Variants in WDCP observed in about 807,000 individuals in gnomAD.
The protein encoded by WDCP is WD repeat and coiled-coil-containing protein.
WDCP carries 19 observed loss-of-function variants against 41.6 expected under a neutral mutation model. The ratio of observed to expected loss-of-function variants is 0.46; its 90% CI spans 0.32 to 0.67. The LOEUF (loss-of-function observed/expected upper bound fraction) is 0.67. Ranked by LOEUF, WDCP falls within the 30% of genes least tolerant of loss-of-function variation. The pLI is 0.04. For missense variants in WDCP, 802 were observed against 850.7 expected, an observed-to-expected ratio of 0.94 and a Z score of 0.71; for synonymous variants, 302 against 320.8, an observed-to-expected ratio of 0.94 and a Z score of 0.63.
rs762784196 is a variant in WDCP at position 24,031,007 on chromosome 2, T to C, written c.2092A>G (p.Lys698Glu). Residue 698 changes from lysine to glutamate, a missense_variant, in exon 4 of 4, where the codon AAA becomes GAA. Transcript: ENST00000295148. ...GGGGCAGCAAGGCCTGTAAAGACTT[T>C]AAGAGAAGAAACAGCACCTGGACTG... ...SHSPGAVSSL[K>E]VFTGLAAPSL... 14 of 1,614,222 alleles carry C rather than the reference T, an allele frequency of 8.7e-6. 1 individual carries two copies. In the Middle Eastern group the frequency reaches 6.6e-4, roughly 76 times the overall value.
In WDCP at chr2:24,038,458, G is replaced by A. The variant is rs1663323840; in HGVS notation, c.1037C>T (p.Ala346Val). 1.3e-5 allele frequency: 21 copies of A among 1,614,160 alleles called. No homozygotes were observed. The highest frequency in any genetic ancestry group is 1.7e-5 in the Non-Finnish European group (20 of 1,180,028). Reference sequence around the variant, plus strand: ...CACTACGTGGGCTTTAAGATTAAATGCTATCAGATCAGGAACCAGAATGCC... The same window carrying A: ...CACTACGTGGGCTTTAAGATTAAATACTATCAGATCAGGAACCAGAATGCC... ...IPGILVPDLI[A>V]FNLKAHVVAV... Residue 346 changes from alanine to valine, a missense_variant, in exon 2 of 4, where the codon GCA becomes GTA. Physicochemically the swap from Ala to Val is moderately conservative, Grantham distance 64. This residue lies in a region of WDCP where 247 missense variants were observed against 240.5 expected (regional missense o/e 1.03). Coordinates refer to ENST00000295148, the MANE Select transcript of WDCP (RefSeq NM_025203.3).
intron 1 of WDCP, among the ~76,000 whole-genome samples, 153 bp from the exon 2 acceptor site, chr2:24,039,665 G>A (rs984097152): frequency 1.3e-5 from 2 of 152,154 alleles, no homozygotes; most frequent in Non-Finnish European, 2.9e-5. Flanking sequence ...AGAGACTACT[G>A]AGCTATCAGG....
Position 24,038,761 on chromosome 2 carries a change from T to C in WDCP, c.734A>G (p.Asp245Gly). Residue 245 changes from aspartate to glycine, a missense_variant, in exon 2 of 4, where the codon GAC (aspartate) becomes GGC (glycine). Transcript: ENST00000295148. ...AACTGGTAAAGCATACGGAGTCATGTCTTTACTGTTAGGTGGGATATTAAA... is the reference window on the plus strand; with the variant it reads ...AACTGGTAAAGCATACGGAGTCATGCCTTTACTGTTAGGTGGGATATTAAA... ...ETFNIPPNSK[D>G]MTPYALPVIG... The C allele has an allele frequency of 6.2e-7, 1 of 1,614,220 alleles. No homozygotes were observed. Among genetic ancestry groups the C allele is most frequent in the East Asian group, 2.2e-5 (1 of 44,896 alleles).
At position 24,038,595 on chromosome 2, in the gene WDCP, A is replaced by G. The variant is rs1324727064; in HGVS notation, c.900T>C (p.Leu300=). The change falls in exon 2 of 4, where the codon CTT becomes CTC. Residue 300 remains leucine, a synonymous_variant. Coordinates refer to ENST00000295148, the MANE Select transcript of WDCP (RefSeq NM_025203.3). The stretch of plus-strand genomic sequence containing the variant: ...AGTAGTCCTTTTTTCTTAGACAAAT[A>G]AGAGAATTACCCTCAGACTTATGTT... ...FNQHKSEGNS[L]ICLRKKDYLT... is the part of the protein sequence containing the mutation. 6.2e-7 allele frequency: 1 copy of G among 1,613,942 alleles called. No individual in the cohort carries two copies.
In WDCP at chr2:24,029,704, A is replaced by G. The variant is rs1349216986; in HGVS notation, c.*1229T>C. 1 of 152,204 alleles carries G rather than the reference A, an allele frequency of 6.6e-6. No homozygotes were observed. Among genetic ancestry groups the G allele is most frequent in the Non-Finnish European group, 1.5e-5 (1 of 68,056 alleles). 9.4% of individuals were successfully genotyped at this position (152,204 alleles called of 1,614,324 possible). A position where few individuals can be genotyped will look rare whatever the true frequency, so the allele number is the denominator to read the frequency against. On this transcript the variant is annotated 3_prime_UTR_variant, in exon 4 of 4. Coordinates refer to ENST00000295148, the MANE Select transcript of WDCP (RefSeq NM_025203.3). ...ACAGGAGTCCCCAAGGGCACAAAAT[A>G]GTTTCTTTCCAGATGATTTTAAAGG... is the stretch of plus-strand genomic sequence containing the variant.
chr2:24,042,731 A>G (rs1401019214), intron 1 of WDCP, among the ~76,000 whole-genome samples: 1 of 149,352 alleles, frequency 6.7e-6, no homozygotes, highest in Admixed American at 6.7e-5. Context: ...AATTTAGTAT[A>G]AAAACAATTA....
At chr2:24,042,660 G>A (rs1324959107) in intron 1 of WDCP, among the ~76,000 whole-genome samples, 1 of 150,804 alleles carries the variant, frequency 6.6e-6, no homozygotes, top group African/African-American at 2.4e-5. Context: ...AGTGAGCCGA[G>A]ATCGTGCCAT....
In WDCP at chr2:24,039,198, T is replaced by A; in HGVS notation, c.297A>T (p.Lys99Asn). 1 of 1,614,216 alleles carries A rather than the reference T, an allele frequency of 6.2e-7. No individual in the cohort carries two copies. Among genetic ancestry groups the A allele is most frequent in the Non-Finnish European group, 8.5e-7 (1 of 1,180,036 alleles). Reference sequence around the variant, plus strand: ...TCTCACAAGTCTGAGACGTCAGCCATTTGCTTGACTCCATAGGGCTGGGAC... The same window carrying A: ...TCTCACAAGTCTGAGACGTCAGCCAATTGCTTGACTCCATAGGGCTGGGAC... ...QLCPSPMESS[K>N]WLTSQTCEIR... The change falls in exon 2 of 4, where the codon AAA (lysine) becomes AAT (asparagine). Residue 99 changes from lysine (K) to asparagine (N), a missense_variant. Physicochemically the swap from Lys to Asn is moderately conservative, Grantham distance 94 (BLOSUM62 0). Coordinates refer to ENST00000295148, the MANE Select transcript of WDCP (RefSeq NM_025203.3).
At chr2:24,042,233 C>A (rs1663464886) in intron 1 of WDCP, among the ~76,000 whole-genome samples, 1 of 151,876 alleles carries the variant, frequency 6.6e-6, no homozygotes, top group Non-Finnish European at 1.5e-5. Flanking sequence ...GAAACCCCAT[C>A]TCTACTAAAA....
chr2:24,039,606 A>G, intron 1 of WDCP, 94 bp from the exon 2 acceptor site: 1 of 1,128,674 alleles, frequency 8.9e-7, no homozygotes, highest in South Asian at 1.6e-5. Flanking sequence ...GCCCCTTCCC[A>G]GGTTAATAAT....
At chr2:24,045,212 T>C (rs1172664968) in intron 1 of WDCP, among the ~76,000 whole-genome samples, 3 of 152,178 alleles carry the variant, frequency 2.0e-5, no homozygotes, top group African/African-American at 7.2e-5. Flanking sequence ...CGATAGGATA[T>C]AAGTAGTGAG....
chr2:24,032,786 A>T, intron 3 of WDCP, 43 bp downstream of exon 3: 1 of 1,067,144 alleles, frequency 9.4e-7, no homozygotes. Context: ...ATGGTGGGGG[A>T]GGCAAGGATG....
intron 3 of WDCP, among the ~76,000 whole-genome samples, chr2:24,032,327 AC>A (rs1432206887): frequency 6.6e-6 from 1 of 152,110 alleles, no homozygotes. Flanking sequence ...ACACAGTGAA[AC>A]CCGTCTCTAC....
chr2:24,030,985 G>A lies in WDCP; in HGVS notation c.2114C>T (p.Ala705Val), dbSNP rs769510936. Residue 705 changes from alanine (A) to valine (V), a missense_variant, in exon 4 of 4, where the codon GCC (alanine) becomes GTC (valine). Ala to Val is a moderately conservative substitution (Grantham distance 64, BLOSUM62 0). Coordinates refer to ENST00000295148, the MANE Select transcript of WDCP (RefSeq NM_025203.3). ...ACAGCCAGTGGTATCTAAACTGGGG[G>A]CAGCAAGGCCTGTAAAGACTTTAAG... is the stretch of plus-strand genomic sequence containing the variant. ...SSLKVFTGLAAPSLDTTGCCN... is the reference protein window; with the variant it reads ...SSLKVFTGLAVPSLDTTGCCN... 3 of 1,614,102 alleles carry A rather than the reference G, an allele frequency of 1.9e-6. No homozygotes were observed. In the East Asian group the frequency reaches 6.7e-5, roughly 36 times the overall value.
At chr2:24,039,742 A>C (rs983625375) in intron 1 of WDCP, among the ~76,000 whole-genome samples, 10 of 152,210 alleles carry the variant, frequency 6.6e-5, no homozygotes, top group Non-Finnish European at 1.2e-4. Flanking sequence ...GATTTTTAGA[A>C]CTGGGGAAAT....
chr2:24,041,300 T>C (rs544097934), intron 1 of WDCP, among the ~76,000 whole-genome samples: 14 of 151,208 alleles, frequency 9.3e-5, no homozygotes, highest in East Asian at 7.8e-4. Flanking sequence ...AATTGCACCA[T>C]TGCACTTCAG....
chr2:24,037,603 A>C, intron 2 of WDCP, 74 bp downstream of exon 2: 1 of 1,418,220 alleles, frequency 7.1e-7, no homozygotes. Context: ...CTTCCTCATC[A>C]ATACGTTTCT....
intron 2 of WDCP, among the ~76,000 whole-genome samples, chr2:24,034,572 A>C (rs1663184597): frequency 8.1e-6 from 1 of 122,832 alleles, no homozygotes; most frequent in African/African-American, 2.8e-5. Flanking sequence ...AGGGCAACAA[A>C]ACTTTTTTTT....
Position 24,030,810 on chromosome 2 carries a change from C to T in WDCP, c.*123G>A. The T allele has an allele frequency of 2.7e-6, 2 of 729,332 alleles. No individual in the cohort carries two copies. The highest frequency in any genetic ancestry group is 1.9e-5 in the South Asian group (1 of 52,380). The allele number at this position is 729,332 out of a possible 1,614,324, so 45.2% of individuals were successfully genotyped here. A position where few individuals can be genotyped will look rare whatever the true frequency, so the allele number is the denominator to read the frequency against. ...GGGAAACAGGGGGAAACCAGGAGAG[C>T]CGACCATGGCAAGCGCTTCGCCTGA... On this transcript the variant is annotated 3_prime_UTR_variant, in exon 4 of 4. Coordinates refer to ENST00000295148, the MANE Select transcript of WDCP (RefSeq NM_025203.3).
Sources: allele counts gnomAD v4.1 joint callset (sites outside exome capture counted in the v4.1 genomes callset), GRCh38; gene constraint gnomAD v4.1.1; regional missense constraint gnomAD v4.1.1; transcripts MANE v1.5; gene names NCBI Gene and HGNC (gene_info 2026-07-23, HGNC 2026-07-21).